The following SORCS3 variants were observed in gnomAD, a reference collection of about 807,000 sequenced individuals.
The protein encoded by SORCS3 is sortilin related VPS10 domain containing receptor 3.
A neutral mutation model predicts 146.3 loss-of-function variants in SORCS3; 57 were observed. The ratio of observed to expected loss-of-function variants is 0.39; its 90% confidence interval spans 0.31 to 0.49. SORCS3 has a LOEUF of 0.49. Among genes scored for constraint, SORCS3 ranks in the 20% least tolerant of loss-of-function variants. The pLI is 0.92. For missense variants in SORCS3, 1,341 were observed against 1,575.5 expected, an observed-to-expected ratio of 0.85 and a Z score of 2.52; for synonymous variants, 653 against 618.5, an observed-to-expected ratio of 1.06 and a Z score of -0.83.
intron 3 of SORCS3, among the ~76,000 whole-genome samples, chr10:104,962,070 A>C (rs1419172805): frequency 5.9e-5 from 9 of 152,106 alleles, no homozygotes; most frequent in Non-Finnish European, 1.2e-4. Flanking sequence ...ATAAAATCGC[A>C]GTTCAATGTG....
intron 4 of SORCS3, among the ~76,000 whole-genome samples, chr10:105,004,370 G>A (rs2055080842): frequency 3.9e-5 from 6 of 152,202 alleles, no homozygotes; most frequent in South Asian, 2.1e-4. Context: ...AAGGCACCCA[G>A]GAACTAGCAG....
intron 3 of SORCS3, among the ~76,000 whole-genome samples, chr10:104,933,203 A>G (rs2019225250): frequency 6.6e-6 from 1 of 152,210 alleles, no homozygotes; most frequent in Non-Finnish European, 1.5e-5. Context: ...CAGGGTAGGT[A>G]GCTCCAGGTT....
chr10:105,229,969 A>G (rs2056757493), intron 20 of SORCS3, among the ~76,000 whole-genome samples: 1 of 152,250 alleles, frequency 6.6e-6, no homozygotes, highest in South Asian at 2.1e-4. Flanking sequence ...AGCAGTTTCC[A>G]CTGATGTTAG....
intron 3 of SORCS3, among the ~76,000 whole-genome samples, chr10:104,975,890 C>T (rs1380446774): frequency 6.6e-6 from 1 of 152,196 alleles, no homozygotes; most frequent in East Asian, 1.9e-4. Flanking sequence ...ACCTTCCTTA[C>T]ACCTTATACA....
At chr10:104,671,096 G>T (rs888748585) in intron 1 of SORCS3, among the ~76,000 whole-genome samples, 8 of 150,132 alleles carry the variant, frequency 5.3e-5, no homozygotes, top group African/African-American at 1.9e-4. Context: ...TGTAAACAGA[G>T]ATAATTTTAC....
intron 3 of SORCS3, among the ~76,000 whole-genome samples, chr10:104,959,272 C>T (rs776083817): frequency 1.3e-5 from 2 of 152,092 alleles, no homozygotes; most frequent in Non-Finnish European, 2.9e-5. Context: ...TCATATAAAT[C>T]GTAGGATTCA....
intron 1 of SORCS3, among the ~76,000 whole-genome samples, chr10:104,646,842 A>T (rs2015501200): frequency 6.6e-6 from 1 of 152,014 alleles, no homozygotes; most frequent in African/African-American, 2.4e-5. Flanking sequence ...GCTCTGTGGG[A>T]TGGATCGAAT....
At chr10:104,698,418 T>A (rs1191409270) in intron 1 of SORCS3, among the ~76,000 whole-genome samples, 1 of 152,118 alleles carries the variant, frequency 6.6e-6, no homozygotes, top group Non-Finnish European at 1.5e-5. Context: ...GAGCACACAA[T>A]GAGTTTAATA....
At chr10:104,868,442 G>C (rs371248383) in intron 2 of SORCS3, among the ~76,000 whole-genome samples, 2 of 152,122 alleles carry the variant, frequency 1.3e-5, no homozygotes, top group East Asian at 3.9e-4. Flanking sequence ...GGGACTACTC[G>C]CCTGCCACGC....
intron 4 of SORCS3, among the ~76,000 whole-genome samples, chr10:105,037,312 C>A (rs1212199849): frequency 6.6e-6 from 1 of 152,188 alleles, no homozygotes; most frequent in Non-Finnish European, 1.5e-5. Context: ...CTAGTCCTGG[C>A]AGGGGGTGTG....
At chr10:105,176,965 G>A (rs781470791) in intron 13 of SORCS3, among the ~76,000 whole-genome samples, 91 of 148,948 alleles carry the variant, frequency 6.1e-4, no homozygotes, top group Non-Finnish European at 1.2e-3. Flanking sequence ...TAGGATTTAT[G>A]TGTGTGTGTG....
rs1173391070 is a variant in SORCS3 at position 104,696,336 on chromosome 10, ATATATG to A, written c.627+54383_627+54388del. Among the ~76,000 whole-genome samples the A allele has an allele frequency of 1.7e-4, 8 of 46,494 alleles. 1 individual carries two copies. The highest frequency in any genetic ancestry group is 2.0e-4 in the Non-Finnish European group (6 of 30,014). 30.5% of individuals were successfully genotyped at this position (46,494 alleles called of 152,430 possible). A position where few individuals can be genotyped will look rare whatever the true frequency, so the allele number is the denominator to read the frequency against. On this transcript the variant is annotated intron_variant, in intron 1 of 26. Transcript: ENST00000369701. Reference sequence around the variant, plus strand: ...ATGATATATATCATATACACATATGATATATGATATATATCATATATATATCATATA... The same window carrying A: ...ATGATATATATCATATACACATATGAATATATATCATATATATATCATATA...
intron 1 of SORCS3, among the ~76,000 whole-genome samples, chr10:104,799,272 T>C (rs924388594): frequency 2.0e-5 from 3 of 152,142 alleles, no homozygotes; most frequent in Non-Finnish European, 4.4e-5. Flanking sequence ...CTATTCACAA[T>C]AACAAAGACT....
intron 7 of SORCS3, among the ~76,000 whole-genome samples, chr10:105,118,595 T>C (rs1356475149): frequency 6.6e-6 from 1 of 152,130 alleles, no homozygotes; most frequent in Admixed American, 6.5e-5. Context: ...GTGGAAAAGT[T>C]TTGAGCTTCC....
intron 10 of SORCS3, 101 bp from the exon 11 acceptor site, chr10:105,158,791 C>A: frequency 2.3e-6 from 2 of 852,470 alleles, no homozygotes; most frequent in East Asian, 2.6e-5. Flanking sequence ...CAATGCCTTG[C>A]TATTTCTGGG....
intron 2 of SORCS3, among the ~76,000 whole-genome samples, chr10:104,858,661 G>T (rs1232991411): frequency 6.7e-6 from 1 of 148,434 alleles, no homozygotes; most frequent in African/African-American, 2.5e-5. Flanking sequence ...TCGCTCTGTC[G>T]CCCAGGCTGG....
intron 1 of SORCS3, among the ~76,000 whole-genome samples, chr10:104,838,876 C>T (rs2018103709): frequency 2.0e-5 from 3 of 151,670 alleles, no homozygotes; most frequent in Admixed American, 1.3e-4. Flanking sequence ...CAGCATTTAA[C>T]AGGCTCCCCA....
At chr10:105,231,172 A>T (rs998969537) in intron 20 of SORCS3, among the ~76,000 whole-genome samples, 4 of 152,146 alleles carry the variant, frequency 2.6e-5, no homozygotes, top group Non-Finnish European at 5.9e-5. Flanking sequence ...GAACTCCAGG[A>T]TTCTTTCTTA....
At chr10:104,676,571 G>A (rs1195248979) in intron 1 of SORCS3, among the ~76,000 whole-genome samples, 1 of 152,194 alleles carries the variant, frequency 6.6e-6, no homozygotes, top group African/African-American at 2.4e-5. Context: ...TGCTCTGAGA[G>A]CCAAGTTAAC....
Sources: allele counts gnomAD v4.1 joint callset (sites outside exome capture counted in the v4.1 genomes callset), GRCh38; gene constraint gnomAD v4.1.1; transcripts MANE v1.5; gene names NCBI Gene and HGNC (gene_info 2026-07-23, HGNC 2026-07-21).